Variants in EIF4B observed in about 807,000 individuals in gnomAD.
The protein encoded by EIF4B is eukaryotic translation initiation factor 4B.
Under a neutral mutation model 79.3 loss-of-function variants are expected in EIF4B, and 8 were observed. The ratio of observed to expected loss-of-function variants is 0.10; its 90% CI spans 0.06 to 0.18. The LOEUF is 0.18. Among genes scored for constraint, EIF4B ranks in the 10% least tolerant of loss-of-function variants. The pLI is 1.00. For synonymous variants in EIF4B, 238 were observed against 274.7 expected (o/e 0.87, Z 1.32); for missense variants, 515 against 792.4 (o/e 0.65, Z 4.20).
rs58783010 is a variant in EIF4B, at chr12:53,033,398, AG to A, written c.980-407del. Among the ~76,000 whole-genome samples, 1,825 of 148,598 alleles carry A rather than the reference AG, an allele frequency of 0.012. 73 individuals are homozygous for A. In the East Asian group the frequency reaches 0.15, roughly 12 times the overall value. On this transcript the variant is annotated intron_variant, in intron 8 of 14. Coordinates refer to ENST00000262056, the MANE Select transcript of EIF4B (RefSeq NM_001417.7). ...TTGCTCTGTCACCAGGCTGAAGTGC[AG>A]TAGCTCGATCTTGGCTCACTGCAAC...
intron 1 of EIF4B, among the ~76,000 whole-genome samples, chr12:53,012,968 T>C (rs1320348864): frequency 6.6e-6 from 1 of 152,182 alleles, no homozygotes; most frequent in Admixed American, 6.5e-5. Context: ...GACTTGTGAT[T>C]TGAAAAGACA....
chr12:53,039,132 C>CCTCA, intron 12 of EIF4B, 106 bp from the exon 13 acceptor site: 1 of 767,570 alleles, frequency 1.3e-6, no homozygotes, highest in Non-Finnish European at 2.1e-6. Context: ...GGTTAGTTTC[C>CCTCA]CTCAGTACAT....
At chr12:53,010,952 A>C (rs1943054515) in intron 1 of EIF4B, among the ~76,000 whole-genome samples, 1 of 152,182 alleles carries the variant, frequency 6.6e-6, no homozygotes, top group Non-Finnish European at 1.5e-5. Context: ...TGTATACCAT[A>C]AAATTTACAC....
intron 1 of EIF4B, among the ~76,000 whole-genome samples, chr12:53,007,052 C>A (rs1196835486): frequency 1.3e-5 from 2 of 152,150 alleles, no homozygotes; most frequent in South Asian, 2.1e-4. Flanking sequence ...TAGAGACGGG[C>A]GCGCCTTCAA....
rs190898504 is a variant in EIF4B at position 53,030,021 on chromosome 12, A to G, written c.979+1833A>G. Among the ~76,000 whole-genome samples the G allele has an allele frequency of 3.4e-3, 511 of 151,112 alleles. 4 individuals carry two copies. Among genetic ancestry groups the G allele is most frequent in the Middle Eastern group, 0.014 (4 of 294 alleles). ...AGGATCACTTGAGTCCAGGAGTTCA[A>G]GACAAGCCCTGGCAACATAGTGAGA... On this transcript the variant is annotated intron_variant, in intron 8 of 14. Transcript: ENST00000262056.
At chr12:53,014,608 C>T (rs763910989) in intron 1 of EIF4B, 1 of 152,114 alleles carries the variant, frequency 6.6e-6, no homozygotes, top group South Asian at 2.1e-4. Flanking sequence ...CTAATTGTGT[C>T]CAGAAGGCTA....
At chr12:53,029,927 T>TAA (rs56141325) in intron 8 of EIF4B, among the ~76,000 whole-genome samples, 19 of 151,004 alleles carry the variant, frequency 1.3e-4, no homozygotes, top group East Asian at 9.8e-4. Context: ...TTGTTTTTTT[T>TAA]AAAAAAAACT....
intron 12 of EIF4B, 190 bp from the exon 13 acceptor site, chr12:53,039,048 T>G (rs1174843492): frequency 2.0e-6 from 1 of 489,384 alleles, no homozygotes; most frequent in African/African-American, 2.0e-5. Context: ...GGATTTTGTT[T>G]GTTTTTTGTA....
chr12:53,018,711 A>G (rs1943187501), intron 2 of EIF4B, 87 bp from the exon 3 acceptor site: 1 of 1,487,608 alleles, frequency 6.7e-7, no homozygotes, highest in Non-Finnish European at 9.3e-7. Context: ...CATGTTTAAT[A>G]TTTGGCAATT....
chr12:53,018,802 G>A lies in EIF4B; in HGVS notation c.156G>A (p.Ser52=), dbSNP rs768620703. 10 of 1,611,948 alleles carry A rather than the reference G, an allele frequency of 6.2e-6. No individual in the cohort carries two copies. Among genetic ancestry groups the A allele is most frequent in the Admixed American group, 5.0e-5 (3 of 59,938 alleles). ...ACATTCATTCCTCTATCCTAGTTTCGACCACTTGGCACAGTAACGATGACG... is the reference window on the plus strand; with the variant it reads ...ACATTCATTCCTCTATCCTAGTTTCAACCACTTGGCACAGTAACGATGACG... The part of the protein sequence containing the change: ...DETDDLEGDV[S]TTWHSNDDDV... Residue 52 remains serine, a synonymous_variant, in exon 3 of 15, where the codon TCG becomes TCA. Transcript: ENST00000262056.
Position 53,019,437 on chromosome 12 carries a change from A to C in EIF4B, c.360+431A>C, listed in dbSNP as rs78169979. Among the ~76,000 whole-genome samples, 40 of 51,000 alleles carry C rather than the reference A, an allele frequency of 7.8e-4. 1 individual carries two copies. Among genetic ancestry groups the C allele is most frequent in the Non-Finnish European group, 1.2e-3 (33 of 27,108 alleles). The allele number at this position is 51,000 out of a possible 152,430, so 33.5% of individuals were successfully genotyped here. A position where few individuals can be genotyped will look rare whatever the true frequency, so the allele number is the denominator to read the frequency against. On this transcript the variant is annotated intron_variant, in intron 3 of 14. Coordinates refer to ENST00000262056, the MANE Select transcript of EIF4B (RefSeq NM_001417.7). ...TAAAATCAAAATTATATATATATAT[A>C]TTTTTTTTTTTTCTTTTTTTTTTTT...
At chr12:53,013,232 T>A (rs1216697510) in intron 1 of EIF4B, among the ~76,000 whole-genome samples, 2 of 152,234 alleles carry the variant, frequency 1.3e-5, no homozygotes, top group Non-Finnish European at 2.9e-5. Context: ...TTGTTAATGT[T>A]CTTTTGTTGA....
At chr12:53,022,009 C>T (rs1250878939) in intron 5 of EIF4B, 149 bp downstream of exon 5, 1 of 879,404 alleles carries the variant, frequency 1.1e-6, no homozygotes, top group Non-Finnish European at 1.8e-6. Context: ...CAGGGGACTT[C>T]TGGCAATGTT....
chr12:53,037,749 CT>C, intron 11 of EIF4B, 127 bp downstream of exon 11: 2 of 1,043,524 alleles, frequency 1.9e-6, no homozygotes, highest in Non-Finnish European at 2.8e-6. Flanking sequence ...GCTTTAGTCT[CT>C]TAGTGTGCTG....
chr12:53,025,661 G>A (rs1005894106), intron 6 of EIF4B, among the ~76,000 whole-genome samples: 2 of 152,098 alleles, frequency 1.3e-5, no homozygotes, highest in East Asian at 1.9e-4. Flanking sequence ...TCTTATATGT[G>A]TCCTGTTTTA....
intron 1 of EIF4B, among the ~76,000 whole-genome samples, chr12:53,015,535 C>T (rs2120901083): frequency 6.6e-6 from 1 of 151,704 alleles, no homozygotes; most frequent in Middle Eastern, 3.4e-3. Context: ...TTTTAAAAAT[C>T]AGCTGGGCGT....
intron 12 of EIF4B, chr12:53,038,920 T>G: frequency 4.4e-6 from 1 of 228,704 alleles, no homozygotes; most frequent in East Asian, 1.1e-4. Flanking sequence ...GGTAGAACAT[T>G]TCTTTGACGG....
At chr12:53,025,450 C>T in intron 6 of EIF4B, 1 of 324,466 alleles carries the variant, frequency 3.1e-6, no homozygotes, top group Admixed American at 4.4e-5. Context: ...AAAGAGAACC[C>T]CGAGGGGTGT....
intron 3 of EIF4B, among the ~76,000 whole-genome samples, chr12:53,019,572 G>A (rs1010427958): frequency 6.9e-6 from 1 of 145,180 alleles, no homozygotes. Flanking sequence ...CACTATGTTG[G>A]TCAGGCTGGT....
Sources: gnomAD v4.1 joint callset for allele counts (sites outside exome capture counted in the v4.1 genomes callset) on GRCh38, gnomAD v4.1.1 for gene constraint, MANE v1.5 for transcripts, NCBI Gene and HGNC (gene_info 2026-07-23, HGNC 2026-07-21) for gene names.